The following KCNK2 variants were observed in gnomAD, a reference collection of about 807,000 sequenced individuals.
KCNK2 encodes potassium channel subfamily K member 2.
In KCNK2, 21 loss-of-function variants were observed where a neutral mutation model predicts 40.5. The observed-to-expected ratio is 0.52, with a 90% CI of 0.37 to 0.75. KCNK2 has a LOEUF of 0.75. Ranked by LOEUF, KCNK2 falls within the 30% of genes least tolerant of loss-of-function variation. KCNK2 has a pLI of 0.00. For synonymous variants in KCNK2, 191 were observed against 202.2 expected, an observed-to-expected ratio of 0.94 and a Z score of 0.47; for missense variants, 399 against 531.6, an observed-to-expected ratio of 0.75 and a Z score of 2.45.
chr1:215,172,650 A>AT (rs1553270355), intron 5 of KCNK2, among the ~76,000 whole-genome samples: 12 of 152,008 alleles, frequency 7.9e-5, no homozygotes, highest in East Asian at 3.9e-4. Context: ...GCCTTCTATT[A>AT]TTATTTATTT....
chr1:215,201,626 G>A (rs923338165), intron 6 of KCNK2, among the ~76,000 whole-genome samples: 8 of 152,148 alleles, frequency 5.3e-5, no homozygotes, highest in African/African-American at 1.9e-4. Flanking sequence ...GTGCTATTAA[G>A]TTCTTACTAT....
At chr1:215,060,256 C>T (rs1658321984) in intron 1 of KCNK2, among the ~76,000 whole-genome samples, 1 of 152,022 alleles carries the variant, frequency 6.6e-6, no homozygotes, top group Admixed American at 6.6e-5. Context: ...GATGTATTGG[C>T]CAGAGGAGTC....
At chr1:215,092,352 T>C (rs1659726148) in intron 2 of KCNK2, among the ~76,000 whole-genome samples, 1 of 152,060 alleles carries the variant, frequency 6.6e-6, no homozygotes. Flanking sequence ...GGGCATAATG[T>C]CAGGAGCTTA....
At chr1:215,173,194 C>T (rs911065400) in intron 5 of KCNK2, among the ~76,000 whole-genome samples, 1 of 152,082 alleles carries the variant, frequency 6.6e-6, no homozygotes, top group African/African-American at 2.4e-5. Context: ...TGTTCAATTC[C>T]TACCTATGAG....
chr1:215,098,911 T>C (rs1297713035), intron 2 of KCNK2, among the ~76,000 whole-genome samples: 2 of 151,956 alleles, frequency 1.3e-5, no homozygotes, highest in Non-Finnish European at 2.9e-5. Context: ...TGTTCAAAGA[T>C]ATTATTCTCT....
chr1:215,022,187 C>G (rs1292600244), intron 1 of KCNK2, among the ~76,000 whole-genome samples: 1 of 138,100 alleles, frequency 7.2e-6, no homozygotes, highest in East Asian at 2.3e-4. Context: ...TAGGAGCACT[C>G]TAACAGTCAA....
Position 215,022,286 on chromosome 1 carries a change from T to G in KCNK2, c.34+16331T>G, listed in dbSNP as rs545666361. On this transcript the variant is annotated intron_variant, in intron 1 of 6. Coordinates refer to the KCNK2 transcript ENST00000391895. The stretch of plus-strand genomic sequence containing the variant: ...ATGTTTTCTTCTGGGTTCTAGAACT[T>G]TAAGAGGCCCAAGATCTTGGTGTGG... Among the ~76,000 whole-genome samples the G allele has an allele frequency of 5.3e-5, 8 of 152,260 alleles. No individual in the cohort carries two copies. The East Asian group carries it at 1.2e-3, about 22-fold the overall frequency.
At chr1:215,104,747 A>T (rs1190679021) in intron 2 of KCNK2, among the ~76,000 whole-genome samples, 1 of 152,154 alleles carries the variant, frequency 6.6e-6, no homozygotes, top group Non-Finnish European at 1.5e-5. Context: ...GAGACAACTC[A>T]GAATTTTAAA....
rs533655645 is a variant in KCNK2 at position 215,082,901 on chromosome 1, C to G, written c.-485C>G. On this transcript the variant is annotated 5_prime_UTR_variant, in exon 1 of 7. Coordinates refer to ENST00000444842, the MANE Select transcript of KCNK2 (RefSeq NM_001017425.3). ...GCGAAGAGGGGCTGAACGAGGCTCG[C>G]GCACAAAGACGCCGGGGCGCACGGC... is the stretch of plus-strand genomic sequence containing the variant. Among the ~76,000 whole-genome samples, 4 of 151,544 alleles carry G rather than the reference C, an allele frequency of 2.6e-5. No homozygotes were observed. In the South Asian group the frequency reaches 8.3e-4, roughly 31 times the overall value.
chr1:215,153,582 T>TATA (rs1558115544), intron 3 of KCNK2, among the ~76,000 whole-genome samples: 10 of 129,806 alleles, frequency 7.7e-5, no homozygotes, highest in Non-Finnish European at 1.4e-4. Context: ...ATATATATAT[T>TATA]TTTTTTTCTC....
chr1:215,010,742 C>A (rs1256188422), intron 1 of KCNK2, among the ~76,000 whole-genome samples: 1 of 151,906 alleles, frequency 6.6e-6, no homozygotes, highest in Admixed American at 6.6e-5. Context: ...GTAGTGTGAG[C>A]CTGAGTTCTC....
intron 1 of KCNK2, among the ~76,000 whole-genome samples, chr1:215,070,174 G>C (rs1434678316): frequency 1.3e-5 from 2 of 151,992 alleles, no homozygotes; most frequent in South Asian, 2.1e-4. Flanking sequence ...ACTTTGGGAG[G>C]CCGAGGTGGG....
intron 3 of KCNK2, among the ~76,000 whole-genome samples, chr1:215,166,751 C>G (rs1453162813): frequency 2.0e-5 from 3 of 151,996 alleles, no homozygotes; most frequent in African/African-American, 7.3e-5. Context: ...CCCACTAAGG[C>G]TAGAAAATAA....
At chr1:215,067,522 T>C (rs746151999) in intron 1 of KCNK2, among the ~76,000 whole-genome samples, 15 of 152,134 alleles carry the variant, frequency 9.9e-5, no homozygotes, top group Non-Finnish European at 1.9e-4. Flanking sequence ...AATGATTGAC[T>C]CTATAAGGAC....
chr1:215,187,989 C>T (rs1457340001), intron 5 of KCNK2, among the ~76,000 whole-genome samples: 1 of 151,988 alleles, frequency 6.6e-6, no homozygotes, highest in African/African-American at 2.4e-5. Flanking sequence ...AGTGTCCTCA[C>T]ATTACCTAGT....
intron 1 of KCNK2, among the ~76,000 whole-genome samples, chr1:215,071,456 G>A (rs1482762768): frequency 6.6e-6 from 1 of 152,096 alleles, no homozygotes. Context: ...CAACATAAGA[G>A]CATTCCATGG....
At chr1:215,212,470 C>T (rs552516528) in intron 6 of KCNK2, among the ~76,000 whole-genome samples, 1 of 152,128 alleles carries the variant, frequency 6.6e-6, no homozygotes, top group South Asian at 2.1e-4. Flanking sequence ...AAAATGCAGG[C>T]AGGAAGGGCT....
chr1:215,223,241 T>TA (rs56890763), intron 6 of KCNK2, among the ~76,000 whole-genome samples: 9,621 of 111,982 alleles, frequency 0.086, 454 homozygotes, highest in Admixed American at 0.13. Context: ...AGCTCTTTTC[T>TA]AAAAAAAAAA....
intron 1 of KCNK2, among the ~76,000 whole-genome samples, chr1:215,064,661 A>G (rs1192801502): frequency 6.6e-6 from 1 of 152,184 alleles, no homozygotes; most frequent in Non-Finnish European, 1.5e-5. Context: ...GGGTCAGGGA[A>G]GAAGAGGATG....
Sources: allele counts gnomAD v4.1 joint callset (sites outside exome capture counted in the v4.1 genomes callset), GRCh38; gene constraint gnomAD v4.1.1; transcripts MANE v1.5; gene names NCBI Gene and HGNC (gene_info 2026-07-23, HGNC 2026-07-21).